TCF3: variants seen among roughly 807,000 people sequenced by gnomAD.
The protein encoded by TCF3 is transcription factor E2-alpha.
TCF3 carries 54 observed loss-of-function variants against 72.3 expected under a neutral mutation model. That is an observed-to-expected ratio of 0.75 (90% CI 0.60 to 0.94). The LOEUF (loss-of-function observed/expected upper bound fraction) is 0.94, where lower values mean the gene tolerates loss of function less well. TCF3 is among the 40% of genes least tolerant of loss of function. TCF3 has a pLI of 0.00. For missense variants in TCF3, 1,078 were observed against 934.4 expected (o/e 1.15, Z -2.00); for synonymous variants, 525 against 412.6 (o/e 1.27, Z -3.30).
At chr19:1,632,296 G>T in intron 4 of TCF3, 36 bp downstream of exon 4, 1 of 1,563,522 alleles carries the variant, frequency 6.4e-7, no homozygotes. Flanking sequence ...CTGGGGACAG[G>T]AAACTCAGGG....
chr19:1,642,297 G>GACACACACCCGCACGC (rs2065443965), intron 3 of TCF3, among the ~76,000 whole-genome samples: 1 of 149,734 alleles, frequency 6.7e-6, no homozygotes, highest in Non-Finnish European at 1.5e-5. Context: ...CACACGCACA[G>GACACACACCCGCACGC]ACACACACCC....
chr19:1,633,161 C>T (rs1334726528), intron 3 of TCF3, among the ~76,000 whole-genome samples: 1 of 152,214 alleles, frequency 6.6e-6, no homozygotes, highest in African/African-American at 2.4e-5. Flanking sequence ...GAATCTTCTG[C>T]CCTGGGCAGG....
chr19:1,650,410 G>C (rs1280763834), intron 1 of TCF3, 123 bp from the exon 2 acceptor site: 1 of 693,962 alleles, frequency 1.4e-6, no homozygotes, highest in South Asian at 1.9e-5. Context: ...TGGGGTCTGA[G>C]TTCCAGCAGA....
chr19:1,620,712 C>T (rs2062086478), intron 13 of TCF3, among the ~76,000 whole-genome samples: 1 of 152,320 alleles, frequency 6.6e-6, no homozygotes. Context: ...GAGGCTGCCT[C>T]CACTAGGCAG....
At chr19:1,626,306 C>T (rs1007409912) in intron 6 of TCF3, among the ~76,000 whole-genome samples, 3 of 152,106 alleles carry the variant, frequency 2.0e-5, no homozygotes, top group Admixed American at 6.5e-5. Flanking sequence ...CAAAATTAGC[C>T]GGGTATGGTG....
intron 1 of TCF3, 43 bp from the exon 2 acceptor site, chr19:1,650,330 G>C: frequency 7.2e-7 from 1 of 1,395,584 alleles, no homozygotes; most frequent in Admixed American, 2.0e-5. Flanking sequence ...GAGAAACAGG[G>C]AGGGGAGAAG....
At chr19:1,620,397 A>G (rs1340135538) in intron 13 of TCF3, among the ~76,000 whole-genome samples, 1 of 152,116 alleles carries the variant, frequency 6.6e-6, no homozygotes, top group African/African-American at 2.4e-5. Flanking sequence ...CCTCACAGGG[A>G]TAGGAGGGTC....
At position 1,621,946 on chromosome 19, in the gene TCF3, C is replaced by T. The variant is rs150738584; in HGVS notation, c.847G>A (p.Val283Met). ...RMGYQLHGAE[V>M]NGGLPSASSF... ...GATGCAGATGGGAGCCCACCGTTCA[C>T]CTCTGCTCCATGCAGCTGGTAGCCC... Residue 283 changes from valine (V) to methionine (M), a missense_variant, in exon 11 of 19, where the codon GTG (valine) becomes ATG (methionine). Val to Met is a conservative substitution (Grantham distance 21). Coordinates refer to ENST00000262965, the MANE Select transcript of TCF3 (RefSeq NM_003200.5). 5.0e-6 allele frequency: 8 copies of T among 1,606,432 alleles called. No individual in the cohort carries two copies. The highest frequency in any genetic ancestry group is 6.8e-6 in the Non-Finnish European group (8 of 1,177,258).
chr19:1,627,515 TCTCA>T, intron 5 of TCF3, 89 bp from the exon 6 acceptor site: 2 of 1,180,008 alleles, frequency 1.7e-6, no homozygotes, highest in Non-Finnish European at 2.5e-6. Flanking sequence ...TACAATAGGC[TCTCA>T]GTAAGTGCAC....
At chr19:1,621,613 T>TTTAC (rs1293115688) in intron 11 of TCF3, among the ~76,000 whole-genome samples, 1 of 151,864 alleles carries the variant, frequency 6.6e-6, no homozygotes, top group East Asian at 1.9e-4. Flanking sequence ...CTTTCCCAGC[T>TTTAC]GTAAGGCGGG....
chr19:1,650,147 G>A (rs2066787613), intron 2 of TCF3, 30 bp downstream of exon 2: 4 of 1,547,742 alleles, frequency 2.6e-6, no homozygotes, highest in East Asian at 4.8e-5. Flanking sequence ...GCAAAGGGGT[G>A]TCGGGGGCTG....
rs1253924462 is a variant in TCF3 at position 1,610,397 on chromosome 19, C to T, written c.*1310G>A. 8.7e-6 allele frequency: 2 copies of T among 231,188 alleles called. No individual in the cohort carries two copies. Among genetic ancestry groups the T allele is most frequent in the Admixed American group, 5.7e-5 (1 of 17,690 alleles). The allele number at this position is 231,188 out of a possible 1,614,324, so 14.3% of individuals were successfully genotyped here. On this transcript the variant is annotated 3_prime_UTR_variant, in exon 19 of 19. Transcript: ENST00000262965. ...TGGCATCCTGTCTACGTCACGATGG[C>T]CCTCTGGTGTAATGGGGACATGGTG...
At position 1,614,678 on chromosome 19, in the gene TCF3, GC is replaced by G. The variant is rs1051290492; in HGVS notation, c.1822+606del. On this transcript the variant is annotated intron_variant, in intron 18 of 18. Coordinates refer to ENST00000262965, the MANE Select transcript of TCF3 (RefSeq NM_003200.5). This position sits in a 1 kb window ranked among gnomAD's most constrained non-coding sequence, Gnocchi z 5.6. ...AAAGGAAGGAGTTAAGGAAGCAGCC[GC>G]CAGCGCCAGCGGGGGGAAGGAGTCA... Among the ~76,000 whole-genome samples the G allele has an allele frequency of 3.9e-5, 6 of 152,140 alleles. No homozygotes were observed. Among genetic ancestry groups the G allele is most frequent in the African/African-American group, 1.4e-4 (6 of 41,428 alleles).
intron 2 of TCF3, among the ~76,000 whole-genome samples, chr19:1,648,432 G>A (rs2145711937): frequency 6.6e-6 from 1 of 152,292 alleles, no homozygotes; most frequent in South Asian, 2.1e-4. Context: ...GACCCGGGAT[G>A]GGGAGACGTG....
At position 1,619,130 on chromosome 19, in the gene TCF3, C is replaced by G. The variant is rs200774471; in HGVS notation, c.1431G>C (p.Arg477=). The G allele has an allele frequency of 2.4e-5, 39 of 1,599,700 alleles. No homozygotes were observed. The Admixed American group carries it at 5.0e-4, about 21-fold the overall frequency. Reference sequence around the variant, plus strand: ...GCTTACCACTGTAGGAGTCGGGAGGCCGAGACAGGTCAGGGAGGGTGCCTG... The same window carrying G: ...GCTTACCACTGTAGGAGTCGGGAGGGCGAGACAGGTCAGGGAGGGTGCCTG... ...SQPGTLPDLS[R]PPDSYSGLGR... is the part of the protein sequence containing the mutation. Residue 477 remains arginine, a synonymous_variant, in exon 16 of 19, where the codon CGG becomes CGC. Transcript: ENST00000262965.
intron 1 of TCF3, chr19:1,651,440 T>A (rs1351464753): frequency 4.4e-6 from 1 of 225,272 alleles, no homozygotes; most frequent in South Asian, 1.8e-4. Flanking sequence ...GGAGGGCGTG[T>A]GAAACTGACT....
At chr19:1,648,170 C>T (rs1359862585) in intron 2 of TCF3, among the ~76,000 whole-genome samples, 2 of 152,336 alleles carry the variant, frequency 1.3e-5, no homozygotes, top group East Asian at 1.9e-4. Context: ...ATTTGGAGTT[C>T]CCTGTTCTCT....
At chr19:1,634,215 C>T (rs570930827) in intron 3 of TCF3, among the ~76,000 whole-genome samples, 2 of 151,738 alleles carry the variant, frequency 1.3e-5, no homozygotes, top group Admixed American at 6.6e-5. Context: ...TTATTAAAAT[C>T]CCCCCCACCG....
chr19:1,651,973 G>C (rs985242524), intron 1 of TCF3, among the ~76,000 whole-genome samples: 1 of 150,826 alleles, frequency 6.6e-6, no homozygotes, highest in Non-Finnish European at 1.5e-5. Context: ...CCCGGGCTGG[G>C]GGGGACGGTC....
Sources: allele counts gnomAD v4.1 joint callset (sites outside exome capture counted in the v4.1 genomes callset), GRCh38; gene constraint gnomAD v4.1.1; non-coding constraint Gnocchi (gnomAD v3.1); transcripts MANE v1.5; gene names NCBI Gene and HGNC (gene_info 2026-07-23, HGNC 2026-07-21).